CAPS2: variants seen among roughly 807,000 people sequenced by gnomAD.
CAPS2 encodes the protein calcyphosine 2, also known as calcyphosin-2.
CAPS2 carries 98 observed loss-of-function variants against 86.5 expected under a neutral mutation model. That is an observed-to-expected ratio of 1.13 (90% CI 0.96 to 1.34). CAPS2 has a LOEUF of 1.34. Ranked by LOEUF, CAPS2 falls within the 40% of genes most tolerant of loss-of-function variation. CAPS2 has a pLI of 0.00. For missense variants in CAPS2, 729 were observed against 686.8 expected, an observed-to-expected ratio of 1.06 and a Z score of -0.69; for synonymous variants, 210 against 225.1, an observed-to-expected ratio of 0.93 and a Z score of 0.60.
downstream of CAPS2, chr12:75,276,201 C>A (rs575197268): frequency 1.3e-4 from 200 of 1,538,246 alleles, no homozygotes; most frequent in African/African-American, 1.1e-3. Flanking sequence ...TTGTTTTAAG[C>A]GCTTTCTTTT....
intron 1 of CAPS2, among the ~76,000 whole-genome samples, chr12:75,363,655 T>G (rs2043770499): frequency 6.6e-6 from 1 of 152,096 alleles, no homozygotes; most frequent in Admixed American, 6.6e-5. Context: ...GTATAAATTT[T>G]GGGCAGTGAG....
chr12:75,341,443 T>C (rs78188553), intron 1 of CAPS2, among the ~76,000 whole-genome samples: 5,761 of 151,632 alleles, frequency 0.038, 126 homozygotes, highest in East Asian at 0.051. Flanking sequence ...AACATTCTTT[T>C]TTTCTTTTTC....
intron 11 of CAPS2, 75 bp from the exon 12 acceptor site, chr12:75,293,442 A>G: frequency 1.1e-6 from 1 of 898,876 alleles, no homozygotes; most frequent in Non-Finnish European, 1.8e-6. Flanking sequence ...ATTTTAAATA[A>G]TGGATTTTGA....
chr12:75,316,869 G>C (rs185338835), intron 5 of CAPS2, among the ~76,000 whole-genome samples: 127 of 152,246 alleles, frequency 8.3e-4, no homozygotes, highest in African/African-American at 2.9e-3. Context: ...ACTAAAAGAT[G>C]AGTGTAACCT....
rs1392435122 is a variant in CAPS2, at chr12:75,321,590, G to GA, written c.292-15dup. 3.3e-6 allele frequency: 5 copies of GA among 1,518,870 alleles called. No homozygotes were observed. The South Asian group carries it at 3.7e-5, about 11-fold the overall frequency. The allele number at this position is 1,518,870 out of a possible 1,614,324, so 94.1% of individuals were successfully genotyped here. A position where few individuals can be genotyped will look rare whatever the true frequency, so the allele number is the denominator to read the frequency against. On this transcript the variant is annotated splice_polypyrimidine_tract_variant and intron_variant, in intron 4 of 16. Transcript: ENST00000393284. ...TATGTTCTGATCCTATAGGTAAAAA[G>GA]AAAAAAGCATGCTATCAGAAAAAAA...
At position 75,355,393 on chromosome 12, in the gene CAPS2, G is replaced by C. The variant is rs549150659; in HGVS notation, c.-394-32171C>G. 7.2e-5 allele frequency among the ~76,000 whole-genome samples: 11 copies of C among 152,300 alleles called. No individual in the cohort carries two copies. The South Asian group carries it at 1.9e-3, about 26-fold the overall frequency. ...CACAGCTCAACATCATTGGTCATTAGAGAAATGCAAATCAAAATCGCAGTT... is the reference window on the plus strand; with the variant it reads ...CACAGCTCAACATCATTGGTCATTACAGAAATGCAAATCAAAATCGCAGTT... On this transcript the variant is annotated intron_variant, in intron 1 of 5. Coordinates refer to the CAPS2 transcript ENST00000551829.
chr12:75,363,309 T>C (rs1289022959), intron 1 of CAPS2: 2 of 426,098 alleles, frequency 4.7e-6, no homozygotes, highest in Non-Finnish European at 8.3e-6. Context: ...ACTGTTGTTA[T>C]CTTACGATAT....
At chr12:75,279,087 G>C in intron 16 of CAPS2, 22 bp from the exon 17 acceptor site, 5 of 1,493,366 alleles carry the variant, frequency 3.3e-6, no homozygotes, top group Non-Finnish European at 4.5e-6. Flanking sequence ...TACTGAGTAT[G>C]AAACAGTTTC....
chr12:75,345,217 T>A (rs1216092139), intron 1 of CAPS2, among the ~76,000 whole-genome samples: 1 of 152,144 alleles, frequency 6.6e-6, no homozygotes, highest in East Asian at 1.9e-4. Flanking sequence ...AGCCATAATC[T>A]AGAAACTGTC....
At chr12:75,313,116 T>G (rs2039405659) in intron 6 of CAPS2, among the ~76,000 whole-genome samples, 1 of 152,238 alleles carries the variant, frequency 6.6e-6, no homozygotes. Flanking sequence ...CAAATATCAT[T>G]TATTTTCTAA....
chr12:75,343,819 T>C (rs971053536), intron 1 of CAPS2: 1 of 1,613,486 alleles, frequency 6.2e-7, no homozygotes, highest in Non-Finnish European at 8.5e-7. Flanking sequence ...AGAAAATATC[T>C]GGTTAGGTGG....
intron 15 of CAPS2, among the ~76,000 whole-genome samples, 154 bp from the exon 16 acceptor site, chr12:75,282,501 C>T (rs1163718052): frequency 6.6e-6 from 1 of 152,162 alleles, no homozygotes; most frequent in Non-Finnish European, 1.5e-5. Context: ...TTTCTCCTGC[C>T]TCAGCCTACC....
Position 75,363,782 on chromosome 12 carries a change from G to A in CAPS2, c.-395+27056C>T, listed in dbSNP as rs184316189. Among the ~76,000 whole-genome samples, 400 of 152,216 alleles carry A rather than the reference G, an allele frequency of 2.6e-3. 2 individuals carry two copies. Among genetic ancestry groups the A allele is most frequent in the African/African-American group, 9.2e-3 (381 of 41,546 alleles). On this transcript the variant is annotated intron_variant, in intron 1 of 5. Transcript: ENST00000551829. ...CCAATGGCCTGTGAGACAGCCCTCAGGAGACCCTGAGAACATGTGTCCAAG... is the reference window on the plus strand; with the variant it reads ...CCAATGGCCTGTGAGACAGCCCTCAAGAGACCCTGAGAACATGTGTCCAAG...
chr12:75,357,621 T>C (rs1174578426), intron 1 of CAPS2, among the ~76,000 whole-genome samples: 1 of 152,090 alleles, frequency 6.6e-6, no homozygotes, highest in Non-Finnish European at 1.5e-5. Flanking sequence ...AAAACAGATC[T>C]TGATACATTT....
Position 75,361,734 on chromosome 12 carries a change from G to C in CAPS2, c.-395+29104C>G, listed in dbSNP as rs149319172. 1.5e-4 allele frequency among the ~76,000 whole-genome samples: 23 copies of C among 152,254 alleles called. No homozygotes were observed. In the East Asian group the frequency reaches 4.1e-3, roughly 27 times the overall value. On this transcript the variant is annotated intron_variant, in intron 1 of 5. Transcript: ENST00000551829. ...ACACTTTTGAAACCATCAGATCTCAGTAGAACTCACTCACTATCATAAGAA... is the reference window on the plus strand; with the variant it reads ...ACACTTTTGAAACCATCAGATCTCACTAGAACTCACTCACTATCATAAGAA...
At chr12:75,296,093 AG>A (rs1344706441) in intron 11 of CAPS2, among the ~76,000 whole-genome samples, 25 of 152,170 alleles carry the variant, frequency 1.6e-4, no homozygotes, top group Middle Eastern at 3.2e-3. Context: ...AGAACACAGC[AG>A]TTTAGATTGA....
exon 17 of CAPS2, chr12:75,277,449 T>G: frequency 2.2e-6 from 2 of 927,786 alleles, no homozygotes; most frequent in Non-Finnish European, 2.6e-6. Context: ...GTGACAAAAA[T>G]AGTGTTATAG....
downstream of CAPS2, chr12:75,276,732 G>C (rs915444202): frequency 2.4e-6 from 2 of 831,442 alleles, no homozygotes; most frequent in Non-Finnish European, 2.9e-6. Context: ...TAAACAGTAT[G>C]GTTAACTGAG....
chr12:75,363,052 T>C (rs772991737), intron 1 of CAPS2: 51 of 948,940 alleles, frequency 5.4e-5, no homozygotes, highest in East Asian at 2.1e-4. Context: ...ATGAACAAAA[T>C]TGGAGAAATT....
Sources: allele counts gnomAD v4.1 joint callset (sites outside exome capture counted in the v4.1 genomes callset), GRCh38; gene constraint gnomAD v4.1.1; transcripts MANE v1.5; gene names NCBI Gene and HGNC (gene_info 2026-07-23, HGNC 2026-07-21).